CDH4: variants seen among roughly 807,000 people sequenced by gnomAD.
The protein encoded by CDH4 is cadherin-4.
A neutral mutation model predicts 86.0 loss-of-function variants in CDH4; 33 were observed. The ratio of observed to expected loss-of-function variants is 0.38; its 90% confidence interval spans 0.29 to 0.51. The LOEUF is 0.51. Among genes scored for constraint, CDH4 ranks in the 20% least tolerant of loss-of-function variants. The pLI is 0.86. For synonymous variants in CDH4, 555 were observed against 549.4 expected, an observed-to-expected ratio of 1.01 and a Z score of -0.14; for missense variants, 1,114 against 1,307.4, an observed-to-expected ratio of 0.85 and a Z score of 2.28.
chr20:61,586,141 C>G (rs116706419), intron 2 of CDH4, among the ~76,000 whole-genome samples: 1 of 150,894 alleles, frequency 6.6e-6, no homozygotes, highest in South Asian at 2.1e-4. Context: ...ATGGTCATGA[C>G]GGTGATTGTG....
intron 2 of CDH4, among the ~76,000 whole-genome samples, chr20:61,268,917 G>A (rs963974220): frequency 5.3e-5 from 8 of 152,320 alleles, no homozygotes; most frequent in Admixed American, 5.2e-4. Flanking sequence ...TTAAGACAAT[G>A]GGATATTACC....
chr20:61,817,823 A>G (rs68003430), intron 4 of CDH4, among the ~76,000 whole-genome samples: 62,211 of 151,744 alleles, frequency 0.41, 15,557 homozygotes, highest in Non-Finnish European at 0.57. Flanking sequence ...AGTGGAGGCC[A>G]ACGCACTGCG....
At chr20:61,694,449 G>A (rs1221013699) in intron 2 of CDH4, among the ~76,000 whole-genome samples, 2 of 152,204 alleles carry the variant, frequency 1.3e-5, no homozygotes, top group Non-Finnish European at 2.9e-5. Flanking sequence ...CCCTTTGACT[G>A]AGGGAAATGA....
At chr20:61,628,178 T>C (rs1452169368) in intron 2 of CDH4, among the ~76,000 whole-genome samples, 1 of 152,178 alleles carries the variant, frequency 6.6e-6, no homozygotes, top group African/African-American at 2.4e-5. Flanking sequence ...TGTGTCTCAT[T>C]CACATGTGCG....
intron 2 of CDH4, among the ~76,000 whole-genome samples, chr20:61,562,600 A>G (rs941739299): frequency 2.6e-5 from 4 of 152,214 alleles, no homozygotes; most frequent in African/African-American, 9.6e-5. Context: ...GGCCTGCTTC[A>G]GCCCGGCTGC....
intron 2 of CDH4, among the ~76,000 whole-genome samples, chr20:61,520,128 T>A (rs755684407): frequency 5.9e-5 from 9 of 152,152 alleles, no homozygotes; most frequent in Non-Finnish European, 1.2e-4. Flanking sequence ...TGAGTGGGCA[T>A]CACCAGCAGA....
intron 4 of CDH4, among the ~76,000 whole-genome samples, chr20:61,840,978 G>C (rs905743354): frequency 4.6e-5 from 7 of 152,224 alleles, no homozygotes; most frequent in African/African-American, 1.7e-4. Flanking sequence ...AATAGGTGGT[G>C]GATTATTTTC....
chr20:61,318,576 C>T (rs1229159566), intron 2 of CDH4, among the ~76,000 whole-genome samples: 2 of 152,208 alleles, frequency 1.3e-5, no homozygotes, highest in African/African-American at 4.8e-5. Flanking sequence ...TGGGCATGCG[C>T]TCTAGAAGGG....
chr20:61,849,919 G>A (rs1286575871), intron 5 of CDH4, among the ~76,000 whole-genome samples: 2 of 152,138 alleles, frequency 1.3e-5, no homozygotes, highest in African/African-American at 4.8e-5. Flanking sequence ...ACATCCTTGG[G>A]GCCATCTTAG....
chr20:61,396,128 G>A (rs7345401), intron 2 of CDH4, among the ~76,000 whole-genome samples: 34,526 of 152,056 alleles, frequency 0.23, 3,985 homozygotes, highest in East Asian at 0.39. Context: ...CAGCAGCAGC[G>A]TCGAGTAGTT....
chr20:61,499,684 C>A (rs2085686847), intron 2 of CDH4, among the ~76,000 whole-genome samples: 1 of 152,146 alleles, frequency 6.6e-6, no homozygotes, highest in African/African-American at 2.4e-5. Context: ...ACCTGCCATC[C>A]CATGAGGGCA....
At chr20:61,349,703 A>AAGAATCACACAGGCCCTTGTGTTATG (rs2084698864) in intron 2 of CDH4, among the ~76,000 whole-genome samples, 1 of 152,010 alleles carries the variant, frequency 6.6e-6, no homozygotes, top group Non-Finnish European at 1.5e-5. Context: ...CTTGTGTTAT[A>AAGAATCACACAGGCCCTTGTGTTATG]AAGAATCACA....
intron 2 of CDH4, among the ~76,000 whole-genome samples, chr20:61,561,874 TGG>T (rs2086218500): frequency 6.6e-6 from 1 of 152,246 alleles, no homozygotes; most frequent in South Asian, 2.1e-4. Context: ...GGCCCTTCTC[TGG>T]GCCCCAGTGG....
intron 2 of CDH4, among the ~76,000 whole-genome samples, chr20:61,629,188 C>G (rs117948953): frequency 0.037 from 5,631 of 152,290 alleles, 170 homozygotes; most frequent in Middle Eastern, 0.068. Flanking sequence ...TCTTGTGAAG[C>G]AGGTCAGAAA....
At chr20:61,419,190 C>G (rs761758019) in intron 2 of CDH4, among the ~76,000 whole-genome samples, 2 of 152,098 alleles carry the variant, frequency 1.3e-5, no homozygotes, top group African/African-American at 2.4e-5. Flanking sequence ...GCAGACGTGT[C>G]CTGAGCCCGA....
intron 2 of CDH4, among the ~76,000 whole-genome samples, chr20:61,648,244 G>A (rs773505349): frequency 2.0e-4 from 31 of 152,242 alleles, no homozygotes; most frequent in Non-Finnish European, 3.4e-4. Context: ...GTGGGAATAG[G>A]AGGCAGTGAG....
At chr20:61,805,801 G>C (rs1568826133) in intron 4 of CDH4, among the ~76,000 whole-genome samples, 1 of 152,236 alleles carries the variant, frequency 6.6e-6, no homozygotes, top group African/African-American at 2.4e-5. Flanking sequence ...CCAGCCCTGT[G>C]GTGGGTGCAT....
intron 2 of CDH4, among the ~76,000 whole-genome samples, chr20:61,424,019 C>T (rs1321039867): frequency 2.0e-5 from 3 of 152,100 alleles, no homozygotes; most frequent in African/African-American, 4.8e-5. Flanking sequence ...TTCACACACA[C>T]AGTATCCACA....
At chr20:61,297,550 G>A (rs1055537382) in intron 2 of CDH4, among the ~76,000 whole-genome samples, 3 of 152,258 alleles carry the variant, frequency 2.0e-5, no homozygotes, top group Non-Finnish European at 4.4e-5. Flanking sequence ...GCCCCTGGGC[G>A]TGGCCCACTG....
Sources: allele counts gnomAD v4.1 joint callset (sites outside exome capture counted in the v4.1 genomes callset), GRCh38; gene constraint gnomAD v4.1.1; transcripts MANE v1.5; gene names NCBI Gene and HGNC (gene_info 2026-07-23, HGNC 2026-07-21).